GALNTL6: variants seen among roughly 807,000 people sequenced by gnomAD.
GALNTL6 encodes the protein polypeptide N-acetylgalactosaminyltransferase like 6.
Under a neutral mutation model 73.7 loss-of-function variants are expected in GALNTL6, and 46 were observed. The observed-to-expected ratio is 0.62, with a 90% CI of 0.49 to 0.80. GALNTL6 has a LOEUF of 0.80. Among genes scored for constraint, GALNTL6 ranks in the 30% least tolerant of loss-of-function variants. GALNTL6 has a pLI of 0.00. For synonymous variants in GALNTL6, 259 were observed against 263.7 expected, an observed-to-expected ratio of 0.98 and a Z score of 0.17; for missense variants, 604 against 755.0, an observed-to-expected ratio of 0.80 and a Z score of 2.34.
rs76876129 is a variant in GALNTL6 at position 172,782,708 on chromosome 4, A to G, written c.554-26653A>G. 4.6e-5 allele frequency among the ~76,000 whole-genome samples: 7 copies of G among 152,178 alleles called. 1 individual carries two copies. Among genetic ancestry groups the G allele is most frequent in the Middle Eastern group, 6.8e-3 (2 of 294 alleles). On this transcript the variant is annotated intron_variant, in intron 5 of 12. Transcript: ENST00000506823. ...TCTGGGAGTAGGTACACTTATCTCA[A>G]TTTTCCTGGGTTAAGATTAGCCTTC...
intron 7 of GALNTL6, among the ~76,000 whole-genome samples, chr4:172,828,364 ACCCCACGTCCCACAG>A (rs1280363798): frequency 6.6e-6 from 1 of 151,434 alleles, no homozygotes; most frequent in African/African-American, 2.4e-5. Flanking sequence ...CTTTCCCTGC[ACCCCACGTCCCACAG>A]GGAGGGAAAC....
chr4:172,171,922 C>T (rs569525088), intron 2 of GALNTL6, among the ~76,000 whole-genome samples: 130 of 152,250 alleles, frequency 8.5e-4, no homozygotes, highest in Non-Finnish European at 1.6e-3. Context: ...ATCCATGTAG[C>T]CCAGCTCAGA....
chr4:172,035,771 C>G (rs1483702624), intron 2 of GALNTL6, among the ~76,000 whole-genome samples: 1 of 152,096 alleles, frequency 6.6e-6, no homozygotes, highest in Non-Finnish European at 1.5e-5. Context: ...TGCCAGTGAA[C>G]AGTGCTTTAA....
chr4:172,727,135 T>G (rs1735863187), intron 5 of GALNTL6, among the ~76,000 whole-genome samples: 1 of 152,238 alleles, frequency 6.6e-6, no homozygotes, highest in Non-Finnish European at 1.5e-5. Flanking sequence ...GTAAAATTCT[T>G]TTCTCTCAGT....
intron 2 of GALNTL6, among the ~76,000 whole-genome samples, chr4:172,121,433 G>C (rs1341859950): frequency 6.6e-6 from 1 of 152,080 alleles, no homozygotes; most frequent in African/African-American, 2.4e-5. Flanking sequence ...TAACACAAGT[G>C]ACTCCATTTT....
In GALNTL6 at chr4:171,819,562, A is replaced by G. The variant is rs183426159; in HGVS notation, c.138+4844A>G. On this transcript the variant is annotated intron_variant, in intron 2 of 12. Transcript: ENST00000506823. ...AAAGGTTGAGTGGTTTAAACGGTGT[A>G]GAAGAAAGGATTGAATTTTTTTGTT... Among the ~76,000 whole-genome samples, 267 of 152,304 alleles carry G rather than the reference A, an allele frequency of 1.8e-3. 1 individual carries two copies. Among genetic ancestry groups the G allele is most frequent in the Admixed American group, 7.2e-3 (110 of 15,292 alleles).
At chr4:172,808,764 TAGGTA>T (rs1406489383) in intron 5 of GALNTL6, among the ~76,000 whole-genome samples, 1 of 152,202 alleles carries the variant, frequency 6.6e-6, no homozygotes, top group Non-Finnish European at 1.5e-5. Flanking sequence ...GAATCTTTAA[TAGGTA>T]AGTTCCAAAC....
intron 4 of GALNTL6, among the ~76,000 whole-genome samples, chr4:172,336,542 TG>T (rs760916579): frequency 6.6e-6 from 1 of 151,922 alleles, no homozygotes; most frequent in Non-Finnish European, 1.5e-5. Context: ...CCCAAAGTGC[TG>T]GGATTACAGA....
chr4:172,136,993 C>A (rs1307908681), intron 2 of GALNTL6, among the ~76,000 whole-genome samples: 2 of 152,032 alleles, frequency 1.3e-5, no homozygotes, highest in Non-Finnish European at 2.9e-5. Flanking sequence ...TCTATATTAA[C>A]TAACTCCCAT....
chr4:171,821,349 T>G (rs1205447976), intron 2 of GALNTL6, among the ~76,000 whole-genome samples: 2 of 152,118 alleles, frequency 1.3e-5, no homozygotes, highest in East Asian at 3.9e-4. Context: ...CCTTGTGCCC[T>G]TATTTCTGAC....
intron 5 of GALNTL6, among the ~76,000 whole-genome samples, chr4:172,730,395 G>A (rs1335008750): frequency 6.6e-6 from 1 of 152,148 alleles, no homozygotes; most frequent in African/African-American, 2.4e-5. Context: ...ATTATTTTGT[G>A]ATATGTTCCT....
intron 2 of GALNTL6, among the ~76,000 whole-genome samples, chr4:171,871,942 G>T (rs997369549): frequency 6.6e-6 from 1 of 152,184 alleles, no homozygotes; most frequent in Non-Finnish European, 1.5e-5. Context: ...ATCCAGTGTT[G>T]CACCCTCCAC....
At chr4:171,895,404 G>C (rs111668737) in intron 2 of GALNTL6, among the ~76,000 whole-genome samples, 2,214 of 152,254 alleles carry the variant, frequency 0.015, 57 homozygotes, top group African/African-American at 0.05. Context: ...GGAGTATCTA[G>C]AAGAGGAATA....
At chr4:172,272,109 C>T (rs899096117) in intron 3 of GALNTL6, among the ~76,000 whole-genome samples, 4 of 151,974 alleles carry the variant, frequency 2.6e-5, no homozygotes, top group Admixed American at 6.6e-5. Flanking sequence ...TGCGCCACCA[C>T]GCCCAGATAA....
At chr4:172,677,872 CAA>C (rs5864149) in intron 5 of GALNTL6, among the ~76,000 whole-genome samples, 5 of 142,060 alleles carry the variant, frequency 3.5e-5, no homozygotes, top group Admixed American at 6.9e-5. Flanking sequence ...GTTTTGAAGG[CAA>C]AAAAAAAAAA....
chr4:171,996,808 G>A (rs1505488), intron 2 of GALNTL6, among the ~76,000 whole-genome samples: 102,209 of 151,032 alleles, frequency 0.68, 36,932 homozygotes, highest in Non-Finnish European at 0.8. Flanking sequence ...GTCCTGGATC[G>A]CATGCAGCCC....
intron 2 of GALNTL6, among the ~76,000 whole-genome samples, chr4:172,123,874 T>C (rs915055745): frequency 3.9e-5 from 6 of 152,178 alleles, no homozygotes; most frequent in Non-Finnish European, 8.8e-5. Flanking sequence ...GTTTGGAAGT[T>C]TCTCAAATTG....
intron 3 of GALNTL6, among the ~76,000 whole-genome samples, chr4:172,230,122 C>T (rs1223451183): frequency 6.6e-6 from 1 of 152,042 alleles, no homozygotes; most frequent in Non-Finnish European, 1.5e-5. Flanking sequence ...TGAAGTGTAT[C>T]TAACTGGCAA....
chr4:172,388,607 A>G (rs912512868), intron 5 of GALNTL6, among the ~76,000 whole-genome samples: 1 of 152,190 alleles, frequency 6.6e-6, no homozygotes, highest in Non-Finnish European at 1.5e-5. Flanking sequence ...TGGCATTAGC[A>G]TTTTATCTGC....
Sources: allele counts gnomAD v4.1 joint callset (sites outside exome capture counted in the v4.1 genomes callset), GRCh38; gene constraint gnomAD v4.1.1; transcripts MANE v1.5; gene names NCBI Gene and HGNC (gene_info 2026-07-23, HGNC 2026-07-21).